The following SLC39A11 variants were observed in gnomAD, a reference collection of about 807,000 sequenced individuals.
SLC39A11 encodes the protein solute carrier family 39 member 11.
In SLC39A11, 33 loss-of-function variants were observed where a neutral mutation model predicts 36.1. The observed-to-expected ratio is 0.91, with a 90% CI of 0.69 to 1.22. The LOEUF is 1.22. Among genes scored for constraint, SLC39A11 ranks in the 50% most tolerant of loss-of-function variants. The probability of loss-of-function intolerance (pLI) is 0.00; values close to 1 mark genes in which losing one functional copy is unlikely to be tolerated. For synonymous variants in SLC39A11, 166 were observed against 170.3 expected, an observed-to-expected ratio of 0.97 and a Z score of 0.20; for missense variants, 432 against 430.3, an observed-to-expected ratio of 1.00 and a Z score of -0.03.
chr17:72,786,866 C>T (rs2076533855), intron 6 of SLC39A11, among the ~76,000 whole-genome samples: 1 of 152,150 alleles, frequency 6.6e-6, no homozygotes, highest in South Asian at 2.1e-4. Flanking sequence ...TTCACCCGGG[C>T]TGAAGTGCAA....
intron 3 of SLC39A11, among the ~76,000 whole-genome samples, chr17:73,048,103 A>G (rs2059380803): frequency 6.7e-6 from 1 of 149,086 alleles, no homozygotes; most frequent in South Asian, 2.2e-4. Flanking sequence ...ATGAGGGTAC[A>G]GGTACAGCTT....
intron 9 of SLC39A11, among the ~76,000 whole-genome samples, 193 bp from the exon 10 acceptor site, chr17:72,647,855 G>C (rs2069636565): frequency 6.6e-6 from 1 of 152,148 alleles, no homozygotes; most frequent in Admixed American, 6.5e-5. Flanking sequence ...ACCTCATGAG[G>C]TCAGTATCAT....
intron 3 of SLC39A11, among the ~76,000 whole-genome samples, chr17:73,083,584 G>C (rs2060622457): frequency 6.6e-6 from 1 of 151,912 alleles, no homozygotes; most frequent in African/African-American, 2.4e-5. Flanking sequence ...AACTAATCAA[G>C]ACTCCAGGTC....
chr17:72,752,991 G>A (rs1023145569), intron 6 of SLC39A11, among the ~76,000 whole-genome samples: 1 of 152,076 alleles, frequency 6.6e-6, no homozygotes, highest in East Asian at 1.9e-4. Flanking sequence ...GAGTAGCTGG[G>A]ACCACAGATG....
At chr17:73,067,109 G>C (rs535768783) in intron 3 of SLC39A11, among the ~76,000 whole-genome samples, 1 of 152,174 alleles carries the variant, frequency 6.6e-6, no homozygotes, top group Non-Finnish European at 1.5e-5. Context: ...AGTTCTCTCC[G>C]CACTAGGCTG....
chr17:72,754,037 TATATATATACACATACACACACACAC>T (rs1374258775), intron 6 of SLC39A11, among the ~76,000 whole-genome samples: 19 of 119,632 alleles, frequency 1.6e-4, no homozygotes, highest in African/African-American at 5.6e-4. Flanking sequence ...TATATATATA[TATATATATACACATACACACACACAC>T]ACACACACAC....
intron 3 of SLC39A11, among the ~76,000 whole-genome samples, chr17:73,072,001 A>C (rs1369941371): frequency 6.6e-6 from 1 of 152,218 alleles, no homozygotes; most frequent in Non-Finnish European, 1.5e-5. Context: ...AAATGAGCCG[A>C]CTACCCTAAA....
intron 6 of SLC39A11, among the ~76,000 whole-genome samples, chr17:72,754,452 A>G (rs1411731677): frequency 6.6e-6 from 1 of 152,174 alleles, no homozygotes; most frequent in Non-Finnish European, 1.5e-5. Context: ...AATTTTTTTA[A>G]AAAATTAATT....
intron 5 of SLC39A11, among the ~76,000 whole-genome samples, chr17:72,881,694 T>C (rs1203096853): frequency 1.3e-5 from 2 of 152,214 alleles, no homozygotes; most frequent in Admixed American, 1.3e-4. Context: ...CTGTTCTTGA[T>C]TTGGACATTT....
At chr17:72,872,426 C>T (rs1346670933) in intron 5 of SLC39A11, among the ~76,000 whole-genome samples, 1 of 152,156 alleles carries the variant, frequency 6.6e-6, no homozygotes, top group Non-Finnish European at 1.5e-5. Flanking sequence ...CCCAACTCTG[C>T]CAGATTCTCA....
At chr17:72,733,039 C>T (rs759773405) in intron 7 of SLC39A11, among the ~76,000 whole-genome samples, 1 of 152,166 alleles carries the variant, frequency 6.6e-6, no homozygotes, top group African/African-American at 2.4e-5. Context: ...TTACAGAAGG[C>T]AATGCCTACA....
chr17:72,665,767 C>T (rs1271758106), intron 7 of SLC39A11, among the ~76,000 whole-genome samples: 1 of 151,958 alleles, frequency 6.6e-6, no homozygotes, highest in Non-Finnish European at 1.5e-5. Flanking sequence ...TTTTCTAAAA[C>T]CTAGTCTTTC....
At chr17:72,933,417 G>A (rs1167365966) in intron 5 of SLC39A11, among the ~76,000 whole-genome samples, 3 of 152,110 alleles carry the variant, frequency 2.0e-5, no homozygotes, top group African/African-American at 7.2e-5. Flanking sequence ...CAAAGACTTT[G>A]GAGAATATAC....
chr17:72,677,221 A>G (rs766306731), intron 7 of SLC39A11, among the ~76,000 whole-genome samples: 2 of 152,104 alleles, frequency 1.3e-5, no homozygotes, highest in Non-Finnish European at 2.9e-5. Flanking sequence ...TCCTGACCCT[A>G]GTGGGGTGGG....
chr17:72,909,822 T>C (rs1239115509), intron 5 of SLC39A11, among the ~76,000 whole-genome samples: 1 of 151,454 alleles, frequency 6.6e-6, no homozygotes, highest in Non-Finnish European at 1.5e-5. Context: ...CTCGGCTCAC[T>C]GCAACCTCCG....
chr17:72,691,999 A>C (rs905214011), intron 7 of SLC39A11, among the ~76,000 whole-genome samples: 1 of 147,780 alleles, frequency 6.8e-6, no homozygotes, highest in African/African-American at 2.5e-5. Flanking sequence ...TCCCCCACCT[A>C]CCTCAAAGTA....
At chr17:72,674,073 A>T (rs1417529752) in intron 7 of SLC39A11, among the ~76,000 whole-genome samples, 5 of 152,108 alleles carry the variant, frequency 3.3e-5, no homozygotes, top group Non-Finnish European at 1.5e-5. Context: ...GTCTTTAAAA[A>T]AAATAAATAA....
intron 5 of SLC39A11, among the ~76,000 whole-genome samples, chr17:72,944,688 T>C (rs937606627): frequency 9.9e-5 from 15 of 152,168 alleles, no homozygotes; most frequent in Non-Finnish European, 1.8e-4. Flanking sequence ...GAGATGTAGA[T>C]ACTAAAATGC....
chr17:72,993,017 A>G (rs894900771), intron 4 of SLC39A11: 1 of 152,132 alleles, frequency 6.6e-6, no homozygotes, highest in Non-Finnish European at 1.5e-5. Context: ...ATCTTGTGAG[A>G]CTTATTCACT....
Sources: gnomAD v4.1 joint callset for allele counts (sites outside exome capture counted in the v4.1 genomes callset) on GRCh38, gnomAD v4.1.1 for gene constraint, MANE v1.5 for transcripts, NCBI Gene and HGNC (gene_info 2026-07-23, HGNC 2026-07-21) for gene names.